Variants in GDA observed in about 807,000 individuals in gnomAD.
The protein encoded by GDA is cytoplasmic PSD-95 interactor.
A neutral mutation model predicts 59.6 loss-of-function variants in GDA; 18 were observed. The ratio of observed to expected loss-of-function variants is 0.30; its 90% confidence interval spans 0.21 to 0.45. The LOEUF (loss-of-function observed/expected upper bound fraction) is 0.45. Among genes scored for constraint, GDA ranks in the 20% least tolerant of loss-of-function variants. The pLI, the probability that GDA is intolerant of heterozygous loss-of-function variation, is 1.00. For synonymous variants in GDA, 201 were observed against 201.1 expected (o/e 1.00, Z 0.00); for missense variants, 427 against 552.3 (o/e 0.77, Z 2.27).
intron 1 of GDA, among the ~76,000 whole-genome samples, chr9:72,193,087 C>T (rs987364499): frequency 1.5e-4 from 23 of 152,114 alleles, no homozygotes; most frequent in Admixed American, 4.6e-4. Context: ...AAGTCTCTTT[C>T]TGAAAGATTA....
Position 72,216,841 on chromosome 9 carries a change from A to G in GDA, c.579-2638A>G, listed in dbSNP as rs938209923. Among the ~76,000 whole-genome samples the G allele has an allele frequency of 1.1e-3, 167 of 152,082 alleles. 2 individuals are homozygous for G. The highest frequency in any genetic ancestry group is 1.2e-3 in the Admixed American group (19 of 15,264). ...CAGGCGCCCGCCACCACGCCCAGCT[A>G]ATTTTTTGTATTTTTAGTAGAGACA... On this transcript the variant is annotated intron_variant, in intron 5 of 13. Transcript: ENST00000358399.
At position 72,242,989 on chromosome 9, in the gene GDA, C is replaced by A. The variant is rs541632588; in HGVS notation, c.1135+1691C>A. 1.8e-4 allele frequency among the ~76,000 whole-genome samples: 28 copies of A among 152,254 alleles called. No individual in the cohort carries two copies. In the East Asian group the frequency reaches 4.8e-3, roughly 26 times the overall value. ...CTACTTTGCTGTGTAGCTTTTAAAT[C>A]TATTTTCTGGGTCACTGGGCTTACT... On this transcript the variant is annotated intron_variant, in intron 11 of 13. Transcript: ENST00000358399.
chr9:72,248,157 G>C, intron 13 of GDA, 115 bp from the exon 14 acceptor site: 1 of 752,084 alleles, frequency 1.3e-6, no homozygotes, highest in East Asian at 2.5e-5. Context: ...GGGGAAAGCA[G>C]CTTTTAGTAT....
chr9:72,149,478 C>G lies in GDA; in HGVS notation c.-82C>G. Reference sequence around the variant, plus strand: ...AGCCTGTGTCCGCCCGGCAGCCGCCCGCAGCTGCAGAGAGTCCCGCTGCGT... The same window carrying G: ...AGCCTGTGTCCGCCCGGCAGCCGCCGGCAGCTGCAGAGAGTCCCGCTGCGT... On this transcript the variant is annotated 5_prime_UTR_variant, in exon 1 of 14. Coordinates refer to ENST00000358399, the MANE Select transcript of GDA (RefSeq NM_004293.5). 2 of 1,521,414 alleles carry G rather than the reference C, an allele frequency of 1.3e-6. No individual in the cohort carries two copies. The highest frequency in any genetic ancestry group is 1.8e-6 in the Non-Finnish European group (2 of 1,126,246). The allele number at this position is 1,521,414 out of a possible 1,614,324, so 94.2% of individuals were successfully genotyped here. A position where few individuals can be genotyped will look rare whatever the true frequency, so the allele number is the denominator to read the frequency against.
At chr9:72,172,122 C>A (rs1830039452) in intron 1 of GDA, among the ~76,000 whole-genome samples, 1 of 152,022 alleles carries the variant, frequency 6.6e-6, no homozygotes, top group Admixed American at 6.6e-5. Flanking sequence ...ATAGTAAGTC[C>A]TTTTCTGTTC....
chr9:72,144,735 G>A (rs576932050), upstream of GDA, among the ~76,000 whole-genome samples: 1 of 152,178 alleles, frequency 6.6e-6, no homozygotes, highest in East Asian at 1.9e-4. Flanking sequence ...GGGGGCCGAG[G>A]GTGCTGCCTC....
At chr9:72,152,413 A>G (rs1316223784) in intron 1 of GDA, among the ~76,000 whole-genome samples, 1 of 152,242 alleles carries the variant, frequency 6.6e-6, no homozygotes, top group Non-Finnish European at 1.5e-5. Flanking sequence ...ATAAAGCAAA[A>G]TACAGAGTTA....
At chr9:72,163,972 G>T (rs1322438680) in intron 1 of GDA, among the ~76,000 whole-genome samples, 1 of 152,092 alleles carries the variant, frequency 6.6e-6, no homozygotes, top group African/African-American at 2.4e-5. Flanking sequence ...GTTTTAGTTG[G>T]GTATGACAAG....
chr9:72,189,165 A>AC (rs1832223449), intron 1 of GDA, among the ~76,000 whole-genome samples: 1 of 70,642 alleles, frequency 1.4e-5, no homozygotes, highest in Non-Finnish European at 2.5e-5. Context: ...GAGACTCTAG[A>AC]CTTTTTTTTT....
At chr9:72,120,550 A>C (rs536279409) in intron 1 of GDA, among the ~76,000 whole-genome samples, 1 of 152,344 alleles carries the variant, frequency 6.6e-6, no homozygotes, top group African/African-American at 2.4e-5. Context: ...CAATGAAATC[A>C]GGAGTCGTTT....
At chr9:72,175,504 A>G (rs1830445121) in intron 1 of GDA, among the ~76,000 whole-genome samples, 1 of 152,198 alleles carries the variant, frequency 6.6e-6, no homozygotes, top group Non-Finnish European at 1.5e-5. Context: ...CACAAATGAG[A>G]TGTGAAGGAA....
intron 1 of GDA, among the ~76,000 whole-genome samples, chr9:72,180,882 T>C (rs1159726185): frequency 6.6e-6 from 1 of 152,252 alleles, no homozygotes; most frequent in African/African-American, 2.4e-5. Flanking sequence ...AACACGGGAC[T>C]GATTATGACC....
chr9:72,254,296 C>T (rs962211382), downstream of GDA, among the ~76,000 whole-genome samples: 1 of 151,912 alleles, frequency 6.6e-6, no homozygotes, highest in Non-Finnish European at 1.5e-5. Context: ...ATTGTTCATG[C>T]GTCTATAATA....
exon 1 of GDA, chr9:72,114,742 A>G (rs1167286860): frequency 1.3e-5 from 2 of 152,032 alleles, no homozygotes; most frequent in African/African-American, 4.8e-5. Context: ...GACAGGAAGC[A>G]CTCCGAAGTT....
intron 1 of GDA, among the ~76,000 whole-genome samples, chr9:72,175,006 G>A (rs1052067314): frequency 3.3e-5 from 5 of 152,088 alleles, no homozygotes; most frequent in East Asian, 1.9e-4. Flanking sequence ...AGGTGGAGCC[G>A]AGAGAGCAAA....
intron 1 of GDA, among the ~76,000 whole-genome samples, chr9:72,177,826 C>T (rs978886788): frequency 6.6e-6 from 1 of 152,206 alleles, no homozygotes; most frequent in South Asian, 2.1e-4. Flanking sequence ...TAATCACTAT[C>T]CACATTTATG....
At chr9:72,220,562 G>C (rs1335495864) in intron 6 of GDA, among the ~76,000 whole-genome samples, 1 of 152,138 alleles carries the variant, frequency 6.6e-6, no homozygotes, top group Non-Finnish European at 1.5e-5. Flanking sequence ...TCAGGTTAGA[G>C]TTACCGTCTC....
At chr9:72,161,071 T>TA (rs1223964486) in intron 1 of GDA, among the ~76,000 whole-genome samples, 1 of 151,960 alleles carries the variant, frequency 6.6e-6, no homozygotes, top group African/African-American at 2.4e-5. Flanking sequence ...TAATTTTTTT[T>TA]TTTTTTTTGT....
intron 11 of GDA, among the ~76,000 whole-genome samples, chr9:72,244,411 T>C (rs953431277): frequency 2.6e-5 from 4 of 152,162 alleles, no homozygotes; most frequent in Admixed American, 6.5e-5. Context: ...GGAACATGAA[T>C]TGTAGCTATG....
Sources: gnomAD v4.1 joint callset for allele counts (sites outside exome capture counted in the v4.1 genomes callset) on GRCh38, gnomAD v4.1.1 for gene constraint, MANE v1.5 for transcripts, NCBI Gene and HGNC (gene_info 2026-07-23, HGNC 2026-07-21) for gene names.